The following SNAP91 variants were observed in gnomAD, a reference collection of about 807,000 sequenced individuals.
SNAP91 encodes the protein clathrin coat assembly protein AP180.
SNAP91 carries 27 observed loss-of-function variants against 100.3 expected under a neutral mutation model. The observed-to-expected ratio is 0.27, with a 90% CI of 0.20 to 0.37. The LOEUF is 0.37. SNAP91 is among the 10% of genes least tolerant of loss of function. The probability of loss-of-function intolerance (pLI) is 1.00; values close to 1 mark genes in which losing one functional copy is unlikely to be tolerated. For missense variants in SNAP91, 986 were observed against 1,123.7 expected, an observed-to-expected ratio of 0.88 and a Z score of 1.75; for synonymous variants, 404 against 398.6, an observed-to-expected ratio of 1.01 and a Z score of -0.16.
chr6:83,636,666 C>A (rs1399757210), intron 8 of SNAP91, among the ~76,000 whole-genome samples: 3 of 152,196 alleles, frequency 2.0e-5, no homozygotes, highest in Non-Finnish European at 4.4e-5. Flanking sequence ...TAATTTCAGA[C>A]ATTTCAATGT....
intron 2 of SNAP91, among the ~76,000 whole-genome samples, chr6:83,698,784 A>T (rs2129038052): frequency 6.6e-6 from 1 of 152,268 alleles, no homozygotes. Context: ...GAGTTTGCAG[A>T]TTCTACAAAG....
chr6:83,661,521 A>C lies in SNAP91; in HGVS notation c.433T>G (p.Phe145Val), dbSNP rs773490000. The change falls in exon 5 of 30, where the codon TTT becomes GTT. Residue 145 changes from phenylalanine to valine, a missense_variant. Phe to Val is a conservative substitution (Grantham distance 50, BLOSUM62 -1). Around this residue, in one of 4 missense-constraint regions of SNAP91, gnomAD observed 330 missense variants for 447.5 expected, o/e 0.74. Transcript: ENST00000369694. ...AFSYRQMAFDFARVKKGADGV... is the reference protein window; with the variant it reads ...AFSYRQMAFDVARVKKGADGV... ...ACATACCCTTTCTTCACCCTGGCAA[A>C]ATCAAAGGCCATCTGTCTGTAAGAA... 6.2e-7 allele frequency: 1 copy of C among 1,608,322 alleles called. No homozygotes were observed. The highest frequency in any genetic ancestry group is 1.1e-5 in the South Asian group (1 of 90,172).
intron 7 of SNAP91, among the ~76,000 whole-genome samples, chr6:83,651,121 T>G (rs964560048): frequency 1.3e-5 from 2 of 152,170 alleles, no homozygotes; most frequent in Non-Finnish European, 2.9e-5. Flanking sequence ...TAATTTCTGT[T>G]ATCAGTAATT....
intron 8 of SNAP91, among the ~76,000 whole-genome samples, chr6:83,629,110 T>G (rs2097099539): frequency 6.6e-6 from 1 of 152,200 alleles, no homozygotes; most frequent in South Asian, 2.1e-4. Context: ...GCACCATTTA[T>G]TGAAAAGGTT....
chr6:83,680,135 T>C (rs1455352225), intron 2 of SNAP91, among the ~76,000 whole-genome samples: 1 of 152,102 alleles, frequency 6.6e-6, no homozygotes, highest in Non-Finnish European at 1.5e-5. Context: ...GCTAGACCTC[T>C]CTCAATCAAG....
intron 8 of SNAP91, among the ~76,000 whole-genome samples, chr6:83,637,414 G>A (rs2097504026): frequency 1.3e-5 from 2 of 152,276 alleles, no homozygotes; most frequent in South Asian, 4.1e-4. Context: ...GTGGGTTGGG[G>A]TGAAGAATCC....
Position 83,601,452 on chromosome 6 carries a change from G to C in SNAP91, c.1157-14C>G. On this transcript the variant is annotated splice_polypyrimidine_tract_variant and intron_variant, in intron 15 of 29. Coordinates refer to ENST00000369694, the MANE Select transcript of SNAP91 (RefSeq NM_001242792.2). ...CAGCCAAAGAATCTATATTTCACCA[G>C]AGACAGAGAGCAAACGGAGAGAAGA... 6.2e-7 allele frequency: 1 copy of C among 1,613,512 alleles called. No homozygotes were observed. The highest frequency in any genetic ancestry group is 1.7e-5 in the Admixed American group (1 of 59,868).
intron 8 of SNAP91, among the ~76,000 whole-genome samples, chr6:83,635,977 T>C (rs1465717283): frequency 6.6e-6 from 1 of 152,162 alleles, no homozygotes; most frequent in African/African-American, 2.4e-5. Context: ...TTCTTCTCTT[T>C]AAGAATACTA....
intron 2 of SNAP91, among the ~76,000 whole-genome samples, chr6:83,675,827 AAC>A (rs373927158): frequency 1.1e-3 from 155 of 138,198 alleles, no homozygotes; most frequent in African/African-American, 1.8e-3. Context: ...CACTTGAAGG[AAC>A]ACACACACAC....
At chr6:83,642,580 A>G (rs907581880) in intron 7 of SNAP91, among the ~76,000 whole-genome samples, 1 of 152,222 alleles carries the variant, frequency 6.6e-6, no homozygotes, top group Admixed American at 6.5e-5. Context: ...TTCTTAATCC[A>G]GTCTATCATT....
At chr6:83,671,814 A>G (rs2098791399) in intron 2 of SNAP91, among the ~76,000 whole-genome samples, 1 of 152,086 alleles carries the variant, frequency 6.6e-6, no homozygotes, top group Non-Finnish European at 1.5e-5. Flanking sequence ...TCCCACTACT[A>G]TATGAGATTG....
At chr6:83,624,501 G>C (rs2096855791) in intron 8 of SNAP91, among the ~76,000 whole-genome samples, 1 of 152,094 alleles carries the variant, frequency 6.6e-6, no homozygotes, top group Admixed American at 6.6e-5. Context: ...AAGCAAACTG[G>C]AGATCAGAAA....
At chr6:83,587,865 T>C (rs2093015765) in intron 22 of SNAP91, among the ~76,000 whole-genome samples, 1 of 152,216 alleles carries the variant, frequency 6.6e-6, no homozygotes, top group Non-Finnish European at 1.5e-5. Flanking sequence ...ATGACTTCCT[T>C]ATGCTTTGAT....
chr6:83,615,954 G>T (rs918017191), intron 10 of SNAP91, among the ~76,000 whole-genome samples: 1 of 152,120 alleles, frequency 6.6e-6, no homozygotes, highest in Admixed American at 6.6e-5. Context: ...AACTCCTGCT[G>T]TCAACCAAAA....
intron 16 of SNAP91, 31 bp from the exon 17 acceptor site, chr6:83,594,512 T>C (rs1449818752): frequency 7.9e-7 from 1 of 1,266,846 alleles, no homozygotes; most frequent in African/African-American, 1.5e-5. Flanking sequence ...CAGCAGAAAT[T>C]AAAAGAATAA....
At chr6:83,605,838 G>T in intron 13 of SNAP91, 35 bp from the exon 14 acceptor site, 1 of 1,491,024 alleles carries the variant, frequency 6.7e-7, no homozygotes, top group South Asian at 1.3e-5. Flanking sequence ...ATCAGATTTT[G>T]AAATTTTATA....
intron 22 of SNAP91, among the ~76,000 whole-genome samples, chr6:83,585,082 G>C (rs2092194328): frequency 6.6e-6 from 1 of 152,154 alleles, no homozygotes; most frequent in Non-Finnish European, 1.5e-5. Context: ...AACTAAACAG[G>C]AACATTACAG....
Position 83,567,747 on chromosome 6 carries a change from A to T in SNAP91, c.2443-6800T>A, listed in dbSNP as rs368047182. 9.8e-5 allele frequency among the ~76,000 whole-genome samples: 15 copies of T among 152,358 alleles called. No individual in the cohort carries two copies. In the East Asian group the frequency reaches 2.7e-3, roughly 27 times the overall value. On this transcript the variant is annotated intron_variant, in intron 26 of 29. Transcript: ENST00000369694. ...TGCAGCCAAAAGACACATGAAAAAA[A>T]GCTCATCATCACTGGCCATCAGAGA...
At chr6:83,613,033 C>G (rs192290116) in intron 11 of SNAP91, among the ~76,000 whole-genome samples, 12 of 152,070 alleles carry the variant, frequency 7.9e-5, no homozygotes, top group African/African-American at 2.9e-4. Flanking sequence ...ATTGTTCTAC[C>G]TGCTATAAAA....
Sources: allele counts gnomAD v4.1 joint callset (sites outside exome capture counted in the v4.1 genomes callset), GRCh38; gene constraint gnomAD v4.1.1; regional missense constraint gnomAD v4.1.1; transcripts MANE v1.5; gene names NCBI Gene and HGNC (gene_info 2026-07-23, HGNC 2026-07-21).